The following CHN2 variants were observed in gnomAD, a reference collection of about 807,000 sequenced individuals.
The protein encoded by CHN2 is beta-chimaerin.
A neutral mutation model predicts 56.3 loss-of-function variants in CHN2; 35 were observed. The observed-to-expected ratio is 0.62, with a 90% CI of 0.47 to 0.82. CHN2 has a LOEUF of 0.82. Ranked by LOEUF, CHN2 falls within the 40% of genes least tolerant of loss-of-function variation. CHN2 has a pLI of 0.00. For missense variants in CHN2, 491 were observed against 580.5 expected, an observed-to-expected ratio of 0.85 and a Z score of 1.58; for synonymous variants, 210 against 212.8, an observed-to-expected ratio of 0.99 and a Z score of 0.12.
At chr7:29,242,139 G>A (rs1052430141) in intron 1 of CHN2, among the ~76,000 whole-genome samples, 2 of 152,150 alleles carry the variant, frequency 1.3e-5, no homozygotes, top group South Asian at 2.1e-4. Context: ...GTAGTTAAGC[G>A]ACTTGCCCAA....
chr7:29,401,752 G>T (rs553878066), intron 6 of CHN2, among the ~76,000 whole-genome samples: 3 of 152,328 alleles, frequency 2.0e-5, no homozygotes, highest in Admixed American at 6.5e-5. Context: ...ATGCAGGCGG[G>T]GGGTAGATTG....
At chr7:29,148,892 G>T (rs1184576031) in intron 2 of CHN2, among the ~76,000 whole-genome samples, 2 of 152,090 alleles carry the variant, frequency 1.3e-5, no homozygotes, top group Non-Finnish European at 2.9e-5. Context: ...AAATGACTCT[G>T]CCCGAAGAGC....
At chr7:29,276,277 C>T (rs991001297) in intron 1 of CHN2, among the ~76,000 whole-genome samples, 3 of 152,074 alleles carry the variant, frequency 2.0e-5, no homozygotes, top group Non-Finnish European at 2.9e-5. Context: ...GGTGTAGAGG[C>T]TGTAACCCAG....
intron 1 of CHN2, among the ~76,000 whole-genome samples, chr7:29,225,747 C>G (rs527582424): frequency 2.6e-5 from 4 of 152,148 alleles, no homozygotes; most frequent in African/African-American, 7.2e-5. Flanking sequence ...CTTTGAGACC[C>G]TTTTTTGAGG....
intron 1 of CHN2, among the ~76,000 whole-genome samples, chr7:29,259,742 T>C (rs1274970304): frequency 1.8e-4 from 28 of 152,130 alleles, no homozygotes; most frequent in Admixed American, 1.7e-3. Flanking sequence ...CACACAGCAA[T>C]GGAAACAAAG....
At chr7:29,495,861 C>G in intron 7 of CHN2, 91 bp from the exon 8 acceptor site, 1 of 998,042 alleles carries the variant, frequency 1.0e-6, no homozygotes, top group African/African-American at 1.6e-5. Context: ...AGTGGGGGAT[C>G]GCTCCTGCTG....
intron 1 of CHN2, among the ~76,000 whole-genome samples, chr7:29,205,215 A>G (rs1034362903): frequency 4.6e-5 from 7 of 152,192 alleles, no homozygotes; most frequent in Non-Finnish European, 1.0e-4. Context: ...TTTTCTACCT[A>G]TAGAGCGAAT....
chr7:29,293,411 C>T (rs1317561024), intron 1 of CHN2, among the ~76,000 whole-genome samples: 1 of 135,960 alleles, frequency 7.4e-6, no homozygotes, highest in Non-Finnish European at 1.6e-5. Flanking sequence ...CAGTCCTTGC[C>T]TTATTTGGCT....
intron 1 of CHN2, among the ~76,000 whole-genome samples, chr7:29,288,577 T>A (rs542499800): frequency 6.6e-6 from 1 of 152,326 alleles, no homozygotes; most frequent in African/African-American, 2.4e-5. Flanking sequence ...GAGTCCTCAC[T>A]GTCTTAATAA....
At chr7:29,353,637 A>G (rs547835622) in intron 1 of CHN2, among the ~76,000 whole-genome samples, 47 of 152,280 alleles carry the variant, frequency 3.1e-4, no homozygotes, top group Non-Finnish European at 5.9e-4. Context: ...GTCTCAAAAA[A>G]AAAGAAAGAA....
intron 2 of CHN2, among the ~76,000 whole-genome samples, chr7:29,364,466 A>C (rs1316518350): frequency 1.3e-5 from 2 of 152,240 alleles, no homozygotes; most frequent in Non-Finnish European, 2.9e-5. Flanking sequence ...GGAAGAGAAG[A>C]GTGGGCAGGA....
chr7:29,150,437 G>A (rs1458543685), intron 2 of CHN2, among the ~76,000 whole-genome samples: 3 of 152,140 alleles, frequency 2.0e-5, no homozygotes, highest in African/African-American at 7.2e-5. Context: ...CTTTCCAACT[G>A]TCTATCCAAG....
At chr7:29,387,540 C>T (rs530211742) in intron 3 of CHN2, among the ~76,000 whole-genome samples, 3 of 152,346 alleles carry the variant, frequency 2.0e-5, no homozygotes, top group Admixed American at 6.5e-5. Context: ...GCTTCTCAAA[C>T]TTTAATGTAT....
chr7:29,398,226 T>A (rs1801918664), intron 4 of CHN2, 147 bp from the exon 5 acceptor site: 2 of 586,502 alleles, frequency 3.4e-6, no homozygotes, highest in South Asian at 2.2e-5. Context: ...TCCAAGTCAC[T>A]TAAGATGGGC....
At chr7:29,166,918 A>C (rs928959395) in intron 2 of CHN2, among the ~76,000 whole-genome samples, 3 of 152,104 alleles carry the variant, frequency 2.0e-5, no homozygotes, top group Non-Finnish European at 4.4e-5. Context: ...TAGTTCTACT[A>C]TCTGTGTCAT....
chr7:29,277,502 G>A (rs1445453684), intron 1 of CHN2, among the ~76,000 whole-genome samples: 2 of 152,212 alleles, frequency 1.3e-5, no homozygotes, highest in Non-Finnish European at 2.9e-5. Context: ...TCAGGGTTCA[G>A]TATCAAAGTC....
intron 1 of CHN2, among the ~76,000 whole-genome samples, chr7:29,220,554 A>T (rs768706140): frequency 3.3e-5 from 5 of 152,122 alleles, no homozygotes; most frequent in African/African-American, 4.8e-5. Context: ...AACTTAGAGA[A>T]AATCAACAAC....
At chr7:29,450,131 A>G (rs1026685545) in intron 6 of CHN2, among the ~76,000 whole-genome samples, 1 of 152,182 alleles carries the variant, frequency 6.6e-6, no homozygotes, top group African/African-American at 2.4e-5. Flanking sequence ...TGCAGTGCAC[A>G]CTTTTGTTTG....
chr7:29,159,869 A>G (rs1195948020), intron 2 of CHN2, among the ~76,000 whole-genome samples: 1 of 152,234 alleles, frequency 6.6e-6, no homozygotes, highest in Non-Finnish European at 1.5e-5. Context: ...GCAAGTGCCT[A>G]GAACAGTGCC....
Sources: gnomAD v4.1 joint callset for allele counts (sites outside exome capture counted in the v4.1 genomes callset) on GRCh38, gnomAD v4.1.1 for gene constraint, MANE v1.5 for transcripts, NCBI Gene and HGNC (gene_info 2026-07-23, HGNC 2026-07-21) for gene names.